Variants in EYS observed in about 807,000 individuals in gnomAD.
EYS encodes the protein protein eyes shut homolog.
EYS carries 250 observed loss-of-function variants against 282.1 expected under a neutral mutation model. The ratio of observed to expected loss-of-function variants is 0.89; its 90% CI spans 0.80 to 0.98. The LOEUF (loss-of-function observed/expected upper bound fraction) is 0.98, where lower values mean the gene tolerates loss of function less well. EYS is among the 50% of genes least tolerant of loss of function. The probability of loss-of-function intolerance (pLI) is 0.00; values close to 1 mark genes in which losing one functional copy is unlikely to be tolerated. For synonymous variants in EYS, 1,355 were observed against 1,282.9 expected, an observed-to-expected ratio of 1.06 and a Z score of -1.20; for missense variants, 4,016 against 3,709.0, an observed-to-expected ratio of 1.08 and a Z score of -2.15.
At chr6:64,393,382 A>G (rs1041185207) in intron 28 of EYS, among the ~76,000 whole-genome samples, 10 of 152,374 alleles carry the variant, frequency 6.6e-5, no homozygotes, top group Non-Finnish European at 1.0e-4. Context: ...AAAAACCTCA[A>G]TAAAATACTG....
chr6:65,556,444 C>T (rs1768806369), intron 2 of EYS, among the ~76,000 whole-genome samples: 1 of 132,778 alleles, frequency 7.5e-6, no homozygotes, highest in Non-Finnish European at 1.7e-5. Flanking sequence ...GAAGGACTAA[C>T]ATGTGTCAGA....
intron 31 of EYS, among the ~76,000 whole-genome samples, chr6:64,185,198 A>G (rs965324900): frequency 4.6e-5 from 7 of 152,080 alleles, no homozygotes; most frequent in Non-Finnish European, 7.4e-5. Context: ...AATATGTCAT[A>G]GCAGTCAAAT....
chr6:63,729,160 T>A (rs1417731745), intron 41 of EYS, among the ~76,000 whole-genome samples: 1 of 152,192 alleles, frequency 6.6e-6, no homozygotes, highest in African/African-American at 2.4e-5. Context: ...TTGCCCATTT[T>A]AAAAATTGAG....
chr6:63,907,136 G>T (rs1773797630), intron 35 of EYS, among the ~76,000 whole-genome samples: 1 of 152,124 alleles, frequency 6.6e-6, no homozygotes, highest in African/African-American at 2.4e-5. Context: ...AGGGCTTGAT[G>T]GGCTCTTGCA....
chr6:65,324,551 T>A (rs1414360735), intron 11 of EYS, among the ~76,000 whole-genome samples: 1 of 152,134 alleles, frequency 6.6e-6, no homozygotes, highest in Non-Finnish European at 1.5e-5. Flanking sequence ...TTGGAATGAG[T>A]CAAAGCCAGA....
intron 14 of EYS, among the ~76,000 whole-genome samples, chr6:64,965,345 T>C (rs1008825967): frequency 2.0e-5 from 3 of 151,876 alleles, no homozygotes; most frequent in Non-Finnish European, 2.9e-5. Flanking sequence ...AAAAAGATAA[T>C]AAAATAGCTA....
At chr6:64,436,332 C>T in intron 27 of EYS, 67 bp from the exon 28 acceptor site, 1 of 781,706 alleles carries the variant, frequency 1.3e-6, no homozygotes, top group South Asian at 1.7e-5. Flanking sequence ...TATATTTGCA[C>T]TGGACTTTAT....
chr6:64,986,763 G>GAA (rs1554224450), intron 14 of EYS, among the ~76,000 whole-genome samples: 1 of 150,374 alleles, frequency 6.7e-6, no homozygotes. Context: ...AGTTAAAATT[G>GAA]ATGTATTTTA....
intron 2 of EYS, among the ~76,000 whole-genome samples, chr6:65,519,708 A>ATG (rs1554205854): frequency 2.3e-5 from 1 of 42,564 alleles, no homozygotes; most frequent in Non-Finnish European, 3.7e-5. Flanking sequence ...ATATATATAT[A>ATG]TTTTTTTTTT....
chr6:64,747,048 C>T (rs538470895), intron 22 of EYS, among the ~76,000 whole-genome samples: 4 of 152,320 alleles, frequency 2.6e-5, no homozygotes, highest in Admixed American at 1.3e-4. Context: ...AACCACTCTG[C>T]AGGCCACCCA....
chr6:64,362,561 G>A (rs983303304), intron 29 of EYS, among the ~76,000 whole-genome samples: 8 of 151,654 alleles, frequency 5.3e-5, no homozygotes, highest in African/African-American at 1.7e-4. Context: ...ATTTTCTTGT[G>A]ATATTATCTC....
rs1321342042 is a variant in EYS, at chr6:64,211,570, TA to T, written c.6424+19021del. On this transcript the variant is annotated intron_variant, in intron 31 of 42. Coordinates refer to ENST00000503581, the MANE Select transcript of EYS (RefSeq NM_001142800.2). ...TAAATTAATCTAATTCATATATATATATATTTTTTTTCATATATTAATCTAA... is the reference window on the plus strand; with the variant it reads ...TAAATTAATCTAATTCATATATATATTATTTTTTTTCATATATTAATCTAA... Among the ~76,000 whole-genome samples, 186 of 138,932 alleles carry T rather than the reference TA, an allele frequency of 1.3e-3. 1 individual carries two copies. Among genetic ancestry groups the T allele is most frequent in the African/African-American group, 4.6e-3 (168 of 36,848 alleles). 91.1% of individuals were successfully genotyped at this position (138,932 alleles called of 152,430 possible).
chr6:65,149,433 T>G (rs1764558858), intron 12 of EYS, among the ~76,000 whole-genome samples: 2 of 152,142 alleles, frequency 1.3e-5, no homozygotes, highest in South Asian at 4.1e-4. Context: ...TGGACTTCAT[T>G]GTCCAAATCA....
rs1274953659 is a variant in EYS at position 64,847,048 on chromosome 6, CT to C, written c.2993-24227del. Among the ~76,000 whole-genome samples the C allele has an allele frequency of 2.6e-5, 4 of 151,982 alleles. No homozygotes were observed. In the East Asian group the frequency reaches 7.7e-4, roughly 29 times the overall value. ...GCCCATCATCCAATATATTGAAAGC[CT>C]GAACAGAACAAAAAGGCAAAGTGAA... On this transcript the variant is annotated intron_variant, in intron 19 of 42. Coordinates refer to ENST00000503581, the MANE Select transcript of EYS (RefSeq NM_001142800.2).
At chr6:65,235,606 C>T (rs373705574) in intron 12 of EYS, among the ~76,000 whole-genome samples, 2 of 152,100 alleles carry the variant, frequency 1.3e-5, no homozygotes, top group Non-Finnish European at 2.9e-5. Context: ...CTCTTTATGA[C>T]AATTTTTGCC....
intron 24 of EYS, among the ~76,000 whole-genome samples, chr6:64,596,101 C>T (rs1766578361): frequency 6.6e-6 from 1 of 152,004 alleles, no homozygotes; most frequent in African/African-American, 2.4e-5. Context: ...GTAGGGGACA[C>T]ACACTTTAAA....
intron 33 of EYS, among the ~76,000 whole-genome samples, chr6:64,038,008 A>G (rs552729965): frequency 6.6e-6 from 1 of 152,226 alleles, no homozygotes; most frequent in Admixed American, 6.5e-5. Context: ...GAACTAAAAC[A>G]TATTTTAGAT....
At chr6:64,377,153 A>G (rs1772587996) in intron 29 of EYS, among the ~76,000 whole-genome samples, 1 of 152,138 alleles carries the variant, frequency 6.6e-6, no homozygotes, top group African/African-American at 2.4e-5. Context: ...TAAATGAATG[A>G]ATTTCTCATT....
At chr6:64,417,964 G>A (rs541969757) in intron 28 of EYS, among the ~76,000 whole-genome samples, 8 of 152,258 alleles carry the variant, frequency 5.3e-5, no homozygotes, top group South Asian at 2.1e-4. Context: ...GAGCCACTGC[G>A]CCTGGCCTAC....
Sources: allele counts gnomAD v4.1 joint callset (sites outside exome capture counted in the v4.1 genomes callset), GRCh38; gene constraint gnomAD v4.1.1; transcripts MANE v1.5; gene names NCBI Gene and HGNC (gene_info 2026-07-23, HGNC 2026-07-21).